Variants in DPH6 observed in about 807,000 individuals in gnomAD.
DPH6 encodes diphthine--ammonia ligase.
DPH6 carries 33 observed loss-of-function variants against 38.2 expected under a neutral mutation model. That is an observed-to-expected ratio of 0.86 (90% CI 0.65 to 1.15). The LOEUF is 1.15. DPH6 is among the 50% of genes most tolerant of loss of function. The pLI, the probability that DPH6 is intolerant of heterozygous loss-of-function variation, is 0.00. For synonymous variants in DPH6, 108 were observed against 103.0 expected, an observed-to-expected ratio of 1.05 and a Z score of -0.30; for missense variants, 325 against 320.0, an observed-to-expected ratio of 1.02 and a Z score of -0.12.
Position 35,371,589 on chromosome 15 carries a change from T to A in DPH6, c.*561A>T. ...TAGTTAATACTGAAAAACAGCATTT[T>A]AAAAATCAGTTATAAAATAACTTGT... On this transcript the variant is annotated 3_prime_UTR_variant, in exon 9 of 9. Transcript: ENST00000256538. The A allele has an allele frequency of 4.1e-6, 4 of 982,332 alleles. No individual in the cohort carries two copies. Among genetic ancestry groups the A allele is most frequent in the Non-Finnish European group, 4.8e-6 (4 of 827,208 alleles). 60.9% of individuals were successfully genotyped at this position (982,332 alleles called of 1,614,324 possible). A position where few individuals can be genotyped will look rare whatever the true frequency, so the allele number is the denominator to read the frequency against.
At chr15:35,289,714 C>A (rs566333165) in intron 3 of DPH6, among the ~76,000 whole-genome samples, 2 of 152,152 alleles carry the variant, frequency 1.3e-5, no homozygotes, top group Non-Finnish European at 2.9e-5. Flanking sequence ...GCAAATAACT[C>A]ATCTTATAAA....
chr15:35,520,220 C>CCA, intron 3 of DPH6: 1 of 443,136 alleles, frequency 2.3e-6, no homozygotes, highest in Non-Finnish European at 2.5e-6. Flanking sequence ...AAACATGCTA[C>CCA]AAAAAAAAAC....
At chr15:35,329,902 A>G (rs1012026525), downstream of DPH6, among the ~76,000 whole-genome samples, 1 of 152,202 alleles carries the variant, frequency 6.6e-6, no homozygotes, top group Admixed American at 6.5e-5. Flanking sequence ...CTGGTCAGTG[A>G]CACAATCCAT....
chr15:35,230,953 A>G (rs1213014101), intron 3 of DPH6, among the ~76,000 whole-genome samples: 1 of 152,158 alleles, frequency 6.6e-6, no homozygotes, highest in East Asian at 1.9e-4. Context: ...TGGATCTGTG[A>G]GCTGTGCAGC....
chr15:35,205,471 T>C, the DPH6 span, among the ~76,000 whole-genome samples: 448 of 152,164 alleles, frequency 2.9e-3, no homozygotes, highest in African/African-American at 0.01. Flanking sequence ...CGATAAGATA[T>C]TTTAAATTAA....
chr15:35,227,609 T>C (rs1306656388), intron 3 of DPH6, among the ~76,000 whole-genome samples: 1 of 152,022 alleles, frequency 6.6e-6, no homozygotes, highest in Admixed American at 6.5e-5. Context: ...TTTTGTATTA[T>C]TTTCTTCATT....
chr15:35,491,037 A>G (rs1021508307), intron 3 of DPH6, among the ~76,000 whole-genome samples: 6 of 152,160 alleles, frequency 3.9e-5, no homozygotes, highest in Non-Finnish European at 7.4e-5. Context: ...GCATTAATCC[A>G]TTCTTGAGGG....
At chr15:35,202,603 G>T in the DPH6 span, among the ~76,000 whole-genome samples, 1 of 151,742 alleles carries the variant, frequency 6.6e-6, no homozygotes, top group Non-Finnish European at 1.5e-5. Context: ...GTGTAAACGA[G>T]CCCTGAGCAG....
At chr15:35,222,359 T>G (rs533969667) in intron 3 of DPH6, among the ~76,000 whole-genome samples, 2 of 152,316 alleles carry the variant, frequency 1.3e-5, no homozygotes, top group Admixed American at 6.5e-5. Flanking sequence ...TTTAGAACAT[T>G]TATTTTGTCA....
At position 35,239,260 on chromosome 15, in the gene DPH6, C is replaced by G. The variant is rs2051580371; in HGVS notation, n.201-18678G>C. ...TCCAACTTCCCTCACTATCCCTCAA[C>G]CTCTTTCTCCTTTCAATCTTGGCGC... On this transcript the variant is annotated intron_variant and non_coding_transcript_variant, in intron 3 of 3. Coordinates refer to the DPH6 transcript ENST00000560386. Among the ~76,000 whole-genome samples the G allele has an allele frequency of 1.4e-5, 2 of 143,816 alleles. 1 individual carries two copies. The highest frequency in any genetic ancestry group is 5.0e-5 in the African/African-American group (2 of 39,768). The allele number at this position is 143,816 out of a possible 152,430, so 94.3% of individuals were successfully genotyped here.
intron 3 of DPH6, among the ~76,000 whole-genome samples, chr15:35,284,697 G>A (rs1022451518): frequency 6.7e-6 from 1 of 149,942 alleles, no homozygotes; most frequent in African/African-American, 2.5e-5. Context: ...TTCAGGGGTT[G>A]CATGGCAAGT....
At chr15:35,350,055 C>A (rs963120060) in intron 3 of DPH6, among the ~76,000 whole-genome samples, 3 of 152,150 alleles carry the variant, frequency 2.0e-5, no homozygotes, top group African/African-American at 7.2e-5. Context: ...TGCAAGAATT[C>A]TTCAGTGAAG....
chr15:35,189,283 A>C, the DPH6 span, among the ~76,000 whole-genome samples: 1 of 152,298 alleles, frequency 6.6e-6, no homozygotes, highest in South Asian at 2.1e-4. Flanking sequence ...CTGGAAGATA[A>C]AATTATCCAA....
intron 8 of DPH6, 40 bp downstream of exon 8, chr15:35,373,481 A>T: frequency 1.9e-6 from 3 of 1,556,986 alleles, no homozygotes; most frequent in Non-Finnish European, 2.6e-6. Context: ...ATATATCTCA[A>T]ATTTCTATTG....
chr15:35,376,890 G>C (rs1041089301), intron 7 of DPH6, among the ~76,000 whole-genome samples: 2 of 152,110 alleles, frequency 1.3e-5, no homozygotes, highest in African/African-American at 4.8e-5. Context: ...CTTGCAAAAT[G>C]ACAAAATTGC....
At chr15:35,431,127 C>A (rs1330172398) in intron 5 of DPH6, among the ~76,000 whole-genome samples, 1 of 151,964 alleles carries the variant, frequency 6.6e-6, no homozygotes, top group Non-Finnish European at 1.5e-5. Flanking sequence ...TTATATAACA[C>A]CCAAGATTCT....
At chr15:35,220,310 A>G (rs1163268244) in exon 4 of DPH6, 1 of 152,182 alleles carries the variant, frequency 6.6e-6, no homozygotes, top group African/African-American at 2.4e-5. Context: ...AGTTTCCTCT[A>G]TTAATATTTT....
chr15:35,484,668 T>C (rs538070164), intron 3 of DPH6, among the ~76,000 whole-genome samples: 32 of 152,230 alleles, frequency 2.1e-4, no homozygotes, highest in African/African-American at 7.7e-4. Context: ...AAGAAACACT[T>C]TTTTGTAACC....
intron 3 of DPH6, among the ~76,000 whole-genome samples, chr15:35,345,824 A>G (rs1295763504): frequency 1.3e-5 from 2 of 151,984 alleles, no homozygotes; most frequent in Non-Finnish European, 2.9e-5. Flanking sequence ...CACTGAGTAA[A>G]GCTGGTCCAA....
Sources: allele counts gnomAD v4.1 joint callset (sites outside exome capture counted in the v4.1 genomes callset), GRCh38; gene constraint gnomAD v4.1.1; transcripts MANE v1.5; gene names NCBI Gene and HGNC (gene_info 2026-07-23, HGNC 2026-07-21).